TRPC1: variants seen among roughly 807,000 people sequenced by gnomAD.
The protein encoded by TRPC1 is short transient receptor potential channel 1.
A neutral mutation model predicts 88.2 loss-of-function variants in TRPC1; 42 were observed. That is an observed-to-expected ratio of 0.48 (90% CI 0.37 to 0.62). The LOEUF (loss-of-function observed/expected upper bound fraction) is 0.62. TRPC1 is among the 20% of genes least tolerant of loss of function. The pLI is 0.00. For synonymous variants in TRPC1, 288 were observed against 331.8 expected, an observed-to-expected ratio of 0.87 and a Z score of 1.43; for missense variants, 699 against 957.3, an observed-to-expected ratio of 0.73 and a Z score of 3.56.
intron 4 of TRPC1, 142 bp from the exon 5 acceptor site, chr3:142,777,490 G>T: frequency 2.1e-6 from 1 of 479,374 alleles, no homozygotes; most frequent in Non-Finnish European, 3.3e-6. Context: ...TTTTTATGGA[G>T]GTTATCTTGT....
chr3:142,801,414 G>A (rs1936616991), intron 9 of TRPC1: 1 of 151,952 alleles, frequency 6.6e-6, no homozygotes, highest in Non-Finnish European at 1.5e-5. Flanking sequence ...AATTTCTAGG[G>A]ATAGAATTGC....
chr3:142,789,519 G>T (rs780117949), intron 7 of TRPC1, among the ~76,000 whole-genome samples: 1 of 152,124 alleles, frequency 6.6e-6, no homozygotes, highest in Non-Finnish European at 1.5e-5. Context: ...TTTGAACAGA[G>T]ATCTTCAAGA....
intron 1 of TRPC1, among the ~76,000 whole-genome samples, chr3:142,728,353 G>A (rs890219225): frequency 4.1e-5 from 6 of 146,050 alleles, no homozygotes; most frequent in Admixed American, 6.8e-5. Flanking sequence ...TTTTTTTTGA[G>A]ATGGAGTTTC....
intron 4 of TRPC1, among the ~76,000 whole-genome samples, chr3:142,757,116 A>T (rs764791799): frequency 1.6e-4 from 24 of 152,286 alleles, no homozygotes; most frequent in South Asian, 4.1e-4. Flanking sequence ...TTTAAAATCC[A>T]TTCATCCATT....
chr3:142,772,405 T>A (rs1251098942), intron 4 of TRPC1, among the ~76,000 whole-genome samples: 1 of 152,140 alleles, frequency 6.6e-6, no homozygotes, highest in Non-Finnish European at 1.5e-5. Flanking sequence ...TATCTTCAAG[T>A]TTGCTAATTC....
intron 2 of TRPC1, among the ~76,000 whole-genome samples, chr3:142,738,050 G>A (rs921786749): frequency 6.6e-6 from 1 of 152,180 alleles, no homozygotes; most frequent in African/African-American, 2.4e-5. Context: ...TTATATACAT[G>A]TAATGGTTTT....
intron 4 of TRPC1, among the ~76,000 whole-genome samples, chr3:142,763,992 A>C (rs1281142276): frequency 3.1e-5 from 2 of 64,996 alleles, no homozygotes; most frequent in Non-Finnish European, 5.2e-5. Context: ...ATACACATAC[A>C]TACATACATA....
At chr3:142,803,944 G>T in intron 10 of TRPC1, 33 bp from the exon 11 acceptor site, 2 of 1,590,092 alleles carry the variant, frequency 1.3e-6, no homozygotes, top group South Asian at 1.1e-5. Flanking sequence ...TTCTTTAATT[G>T]CCTTTTAAAC....
intron 9 of TRPC1, among the ~76,000 whole-genome samples, chr3:142,797,672 T>C (rs1936494440): frequency 6.6e-6 from 1 of 152,138 alleles, no homozygotes; most frequent in Non-Finnish European, 1.5e-5. Context: ...GAGCCTCAGT[T>C]TCTTTATCCG....
intron 1 of TRPC1, among the ~76,000 whole-genome samples, chr3:142,729,215 G>A (rs939304971): frequency 1.3e-5 from 2 of 152,288 alleles, no homozygotes; most frequent in African/African-American, 4.8e-5. Context: ...TAGCTGCCTG[G>A]TAGTTCTATG....
intron 4 of TRPC1, among the ~76,000 whole-genome samples, chr3:142,754,819 C>T (rs1002156022): frequency 7.4e-4 from 112 of 151,972 alleles, no homozygotes; most frequent in African/African-American, 2.6e-3. Context: ...GTGCCACAGT[C>T]CTCAATGAAT....
At chr3:142,791,284 C>A in intron 8 of TRPC1, 126 bp downstream of exon 8, 1 of 797,652 alleles carries the variant, frequency 1.3e-6, no homozygotes, top group Non-Finnish European at 1.8e-6. Context: ...TCATTTTAAG[C>A]CTATCTGTGT....
intron 3 of TRPC1, among the ~76,000 whole-genome samples, chr3:142,744,146 A>G (rs954718869): frequency 2.6e-5 from 4 of 152,188 alleles, no homozygotes; most frequent in Non-Finnish European, 4.4e-5. Flanking sequence ...AAAACATATT[A>G]GAAAAGGACA....
chr3:142,748,764 G>A (rs79719834), intron 4 of TRPC1, among the ~76,000 whole-genome samples: 7,390 of 152,244 alleles, frequency 0.049, 231 homozygotes, highest in East Asian at 0.14. Flanking sequence ...GTTCCAAGTC[G>A]TGGAAGGAGT....
At chr3:142,757,367 C>T (rs143342255) in intron 4 of TRPC1, among the ~76,000 whole-genome samples, 22 of 151,492 alleles carry the variant, frequency 1.5e-4, no homozygotes, top group Admixed American at 1.1e-3. Context: ...ATGTTTATTG[C>T]GGCACTATTC....
chr3:142,756,817 T>A (rs1167126758), intron 4 of TRPC1, among the ~76,000 whole-genome samples: 3 of 152,210 alleles, frequency 2.0e-5, no homozygotes, highest in African/African-American at 4.8e-5. Flanking sequence ...TAATTTACCA[T>A]CTTTGCCATT....
At chr3:142,779,254 A>G (rs946611285) in intron 5 of TRPC1, among the ~76,000 whole-genome samples, 1 of 152,216 alleles carries the variant, frequency 6.6e-6, no homozygotes, top group East Asian at 1.9e-4. Context: ...AGCAGCATCT[A>G]ATTAGGAATA....
At chr3:142,782,780 T>C (rs1196073828) in intron 6 of TRPC1, among the ~76,000 whole-genome samples, 2 of 152,140 alleles carry the variant, frequency 1.3e-5, no homozygotes, top group African/African-American at 4.8e-5. Flanking sequence ...GCCATCACAA[T>C]GGGCAGACTT....
chr3:142,770,093 CT>C (rs779905124), intron 4 of TRPC1, among the ~76,000 whole-genome samples: 1,196 of 95,200 alleles, frequency 0.013, 5 homozygotes, highest in African/African-American at 0.051. Context: ...TTGTATGTTC[CT>C]TTTTTTTTTT....
Sources: gnomAD v4.1 joint callset for allele counts (sites outside exome capture counted in the v4.1 genomes callset) on GRCh38, gnomAD v4.1.1 for gene constraint, MANE v1.5 for transcripts, NCBI Gene and HGNC (gene_info 2026-07-23, HGNC 2026-07-21) for gene names.